The following ZNF496 variants were observed in gnomAD, a reference collection of about 807,000 sequenced individuals.
ZNF496 encodes the protein NSD1 (nuclear receptor binding SET-domain containing 1)-interacting zinc finger protein 1.
Under a neutral mutation model 58.9 loss-of-function variants are expected in ZNF496, and 11 were observed. The observed-to-expected ratio is 0.19, with a 90% confidence interval of 0.12 to 0.31. ZNF496 has a LOEUF of 0.31. ZNF496 is among the 10% of genes least tolerant of loss of function. The pLI is 1.00. For missense variants in ZNF496, 660 were observed against 783.0 expected (o/e 0.84, Z 1.88); for synonymous variants, 338 against 318.2 (o/e 1.06, Z -0.66).
intron 9 of ZNF496, among the ~76,000 whole-genome samples, chr1:247,302,109 C>G (rs1267213873): frequency 1.3e-5 from 2 of 152,180 alleles, no homozygotes; most frequent in Non-Finnish European, 2.9e-5. Context: ...GCCCACCATA[C>G]AGGTGGCCTG....
Position 247,323,227 on chromosome 1 carries a change from A to G in ZNF496, c.578T>C (p.Leu193Pro), listed in dbSNP as rs1660017297. 1 of 1,613,710 alleles carries G rather than the reference A, an allele frequency of 6.2e-7. No homozygotes were observed. Among genetic ancestry groups the G allele is most frequent in the African/African-American group, 1.3e-5 (1 of 74,930 alleles). Reference protein sequence around the residue: ...PPSQLSGDPVLQDAFLLQEEN... With the variant: ...PPSQLSGDPVPQDAFLLQEEN... ...TTCCTGAAGAAGGAAAGCATCTTGC[A>G]GAACTGAAAGAGATCAGAAAATGGT... Residue 193 changes from leucine (L) to proline (P), a missense_variant, in exon 6 of 10, where the codon CTG (leucine) becomes CCG (proline). Physicochemically the swap from Leu to Pro is moderately conservative, Grantham distance 98. Coordinates refer to ENST00000682384, the MANE Select transcript of ZNF496 (RefSeq NM_032752.3).
rs1463209836 is a variant in ZNF496 at position 247,329,441 on chromosome 1, G to C, written c.138C>G (p.Arg46=). Residue 46 remains arginine, a synonymous_variant, in exon 4 of 10, where the codon CGC becomes CGG. Coordinates refer to ENST00000682384, the MANE Select transcript of ZNF496 (RefSeq NM_032752.3). The surrounding 1 kb of genome is among the most constrained non-coding windows in gnomAD (Gnocchi z 5.5). Reference sequence around the variant, plus strand: ...CCGCCGCCTCCTGGTAGCGGAAACGGCGGAAGAGACGCCGAGAGGACTCGG... The same window carrying C: ...CCGCCGCCTCCTGGTAGCGGAAACGCCGGAAGAGACGCCGAGAGGACTCGG... The part of the protein sequence containing the change: ...PSPESSRRLF[R]RFRYQEAAGP... The C allele has an allele frequency of 1.9e-6, 3 of 1,612,930 alleles. No individual in the cohort carries two copies. The highest frequency in any genetic ancestry group is 1.7e-5 in the Admixed American group (1 of 59,898).
chr1:247,328,666 TC>T lies in ZNF496; in HGVS notation c.574+16del. The T allele has an allele frequency of 1.3e-6, 2 of 1,540,198 alleles. No homozygotes were observed. Among genetic ancestry groups the T allele is most frequent in the Non-Finnish European group, 1.7e-6 (2 of 1,142,966 alleles). On this transcript the variant is annotated intron_variant, in intron 5 of 9. Coordinates refer to ENST00000682384, the MANE Select transcript of ZNF496 (RefSeq NM_032752.3). ...CTTCCCCAGATCACCCCTGCTACAC[TC>T]CCCTGGGCTGCATACCTGGGTCCCC...
intron 5 of ZNF496, among the ~76,000 whole-genome samples, chr1:247,325,179 G>A (rs1286242201): frequency 1.3e-5 from 2 of 152,236 alleles, no homozygotes; most frequent in Non-Finnish European, 2.9e-5. Flanking sequence ...GAGTGGCTAT[G>A]TGGAACAAAG....
intron 9 of ZNF496, among the ~76,000 whole-genome samples, chr1:247,303,247 C>G (rs565476437): frequency 2.0e-5 from 3 of 152,288 alleles, no homozygotes; most frequent in African/African-American, 4.8e-5. Context: ...GTCTCCAAGA[C>G]GAGAAAGGCC....
chr1:247,308,148 G>A lies in ZNF496; in HGVS notation c.1006+327C>T, dbSNP rs1048106009. Reference sequence around the variant, plus strand: ...GTGAGCCTGGGATTGGGAGTGAGCTGGAGAATGACCCCAGCACAACGGAAT... The same window carrying A: ...GTGAGCCTGGGATTGGGAGTGAGCTAGAGAATGACCCCAGCACAACGGAAT... On this transcript the variant is annotated intron_variant, in intron 9 of 9. Transcript: ENST00000682384. This position sits in a 1 kb window ranked among gnomAD's most constrained non-coding sequence, Gnocchi z 4.5. The A allele has an allele frequency of 4.8e-6, 2 of 417,666 alleles. No homozygotes were observed. Among genetic ancestry groups the A allele is most frequent in the Non-Finnish European group, 3.2e-6 (1 of 311,052 alleles). 25.9% of individuals were successfully genotyped at this position (417,666 alleles called of 1,614,324 possible).
intron 6 of ZNF496, among the ~76,000 whole-genome samples, chr1:247,322,523 G>A (rs1271172836): frequency 6.6e-6 from 1 of 152,182 alleles, no homozygotes; most frequent in Non-Finnish European, 1.5e-5. Context: ...GGAAAGTGAA[G>A]GAGATATGGC....
chr1:247,320,924 C>T (rs1485640887), intron 6 of ZNF496, among the ~76,000 whole-genome samples: 1 of 152,126 alleles, frequency 6.6e-6, no homozygotes, highest in Non-Finnish European at 1.5e-5. Context: ...CCTGTAATCC[C>T]AGCACTTTGG....
At position 247,329,010 on chromosome 1, in the gene ZNF496, G is replaced by T; in HGVS notation, c.391-144C>A. 1 of 1,379,052 alleles carries T rather than the reference G, an allele frequency of 7.3e-7. No homozygotes were observed. Among genetic ancestry groups the T allele is most frequent in the Non-Finnish European group, 9.9e-7 (1 of 1,014,768 alleles). 85.4% of individuals were successfully genotyped at this position (1,379,052 alleles called of 1,614,324 possible). A position where few individuals can be genotyped will look rare whatever the true frequency, so the allele number is the denominator to read the frequency against. ...CTGTAAAGGGGCACGACACTATCAT[G>T]CCCAAATTAGAGCCTTCAGGGAGTA... On this transcript the variant is annotated intron_variant, in intron 4 of 9. Transcript: ENST00000682384. The surrounding 1 kb of genome is among the most constrained non-coding windows in gnomAD (Gnocchi z 5.5).
At chr1:247,301,342 G>A (rs1659230328) in intron 9 of ZNF496, 66 bp from the exon 10 acceptor site, 3 of 1,472,968 alleles carry the variant, frequency 2.0e-6, no homozygotes, top group Non-Finnish European at 2.7e-6. Flanking sequence ...TATGACCGCG[G>A]CGGAGGAACA....
chr1:247,303,487 C>A (rs1287898373), intron 9 of ZNF496, among the ~76,000 whole-genome samples: 1 of 152,140 alleles, frequency 6.6e-6, no homozygotes, highest in Non-Finnish European at 1.5e-5. Flanking sequence ...CAGGAGAGTT[C>A]TGAAGTGCAT....
chr1:247,326,981 C>A (rs1487740851), intron 5 of ZNF496, among the ~76,000 whole-genome samples: 1 of 152,138 alleles, frequency 6.6e-6, no homozygotes, highest in Non-Finnish European at 1.5e-5. Context: ...AGCTTGTTGT[C>A]AGCTTTCAGG....
At position 247,328,856 on chromosome 1, in the gene ZNF496, C is replaced by G. The variant is rs1422054501; in HGVS notation, c.401G>C (p.Cys134Ser). Residue 134 changes from cysteine (C) to serine (S), a missense_variant, in exon 5 of 10, where the codon TGT becomes TCT. Coordinates refer to ENST00000682384, the MANE Select transcript of ZNF496 (RefSeq NM_032752.3). ...PGRPWQWLKH[C>S]EDPVVIDDGD... Reference sequence around the variant, plus strand: ...ATCATCAATCACCACAGGGTCTTCACAGTGCTTGAGCTGCAATCCCAGAGA... The same window carrying G: ...ATCATCAATCACCACAGGGTCTTCAGAGTGCTTGAGCTGCAATCCCAGAGA... 1 of 1,596,922 alleles carries G rather than the reference C, an allele frequency of 6.3e-7. No individual in the cohort carries two copies.
intron 6 of ZNF496, among the ~76,000 whole-genome samples, chr1:247,318,582 A>G (rs890219358): frequency 6.6e-6 from 1 of 152,262 alleles, no homozygotes; most frequent in Non-Finnish European, 1.5e-5. Flanking sequence ...AGGAAGTAAC[A>G]TAATATTTTT....
chr1:247,331,249 G>A (rs1305705035), intron 2 of ZNF496, among the ~76,000 whole-genome samples, 183 bp downstream of exon 2: 1 of 152,252 alleles, frequency 6.6e-6, no homozygotes, highest in Non-Finnish European at 1.5e-5. Flanking sequence ...ACGTGAGTGA[G>A]GCGGAGGAGG....
At chr1:247,312,953 G>A (rs1659651242) in intron 6 of ZNF496, 3 of 152,084 alleles carry the variant, frequency 2.0e-5, no homozygotes, top group African/African-American at 7.2e-5. Flanking sequence ...GCAGACTGGG[G>A]ACTCATAAAC....
intron 9 of ZNF496, among the ~76,000 whole-genome samples, chr1:247,305,780 G>T (rs897041625): frequency 6.6e-6 from 1 of 152,212 alleles, no homozygotes; most frequent in Admixed American, 6.5e-5. Context: ...GTTAAAAACT[G>T]TAAGAAAACA....
intron 6 of ZNF496, chr1:247,311,953 T>C (rs1044523047): frequency 6.6e-6 from 1 of 152,274 alleles, no homozygotes; most frequent in African/African-American, 2.4e-5. Context: ...GGGCCTGTGA[T>C]GGGCAGAAGA....
chr1:247,304,497 G>A (rs561042884), intron 9 of ZNF496, among the ~76,000 whole-genome samples: 30 of 151,936 alleles, frequency 2.0e-4, no homozygotes, highest in African/African-American at 6.5e-4. Flanking sequence ...TCAGCCTCCT[G>A]AGTAGCTGGG....
Sources: allele counts gnomAD v4.1 joint callset (sites outside exome capture counted in the v4.1 genomes callset), GRCh38; gene constraint gnomAD v4.1.1; non-coding constraint Gnocchi (gnomAD v3.1); transcripts MANE v1.5; gene names NCBI Gene and HGNC (gene_info 2026-07-23, HGNC 2026-07-21).